Variants in SSX2IP observed in about 807,000 individuals in gnomAD.
SSX2IP encodes afadin- and alpha-actinin-binding protein.
SSX2IP carries 55 observed loss-of-function variants against 84.9 expected under a neutral mutation model. The observed-to-expected ratio is 0.65, with a 90% CI of 0.52 to 0.81. SSX2IP has a LOEUF of 0.81. SSX2IP is among the 30% of genes least tolerant of loss of function. SSX2IP has a pLI of 0.00. For synonymous variants in SSX2IP, 239 were observed against 234.7 expected, an observed-to-expected ratio of 1.02 and a Z score of -0.17; for missense variants, 664 against 705.2, an observed-to-expected ratio of 0.94 and a Z score of 0.66.
chr1:84,651,037 T>C (rs1310278675), intron 12 of SSX2IP, among the ~76,000 whole-genome samples: 1 of 152,072 alleles, frequency 6.6e-6, no homozygotes, highest in Non-Finnish European at 1.5e-5. Context: ...ATTTCTAGGC[T>C]GGGTGGGGTG....
At chr1:84,661,186 T>C (rs1262457903) in intron 8 of SSX2IP, among the ~76,000 whole-genome samples, 2 of 151,558 alleles carry the variant, frequency 1.3e-5, no homozygotes, top group Non-Finnish European at 2.9e-5. Flanking sequence ...ACAAAATAAA[T>C]AATCCTCAAA....
chr1:84,689,765 A>C (rs946083448), intron 1 of SSX2IP, among the ~76,000 whole-genome samples: 1 of 152,180 alleles, frequency 6.6e-6, no homozygotes, highest in African/African-American at 2.4e-5. Flanking sequence ...TTCTAAACCA[A>C]AGTATTTTCA....
intron 8 of SSX2IP, among the ~76,000 whole-genome samples, chr1:84,660,382 G>T (rs6702974): frequency 6.6e-6 from 1 of 152,064 alleles, no homozygotes; most frequent in African/African-American, 2.4e-5. Context: ...ATGATGAGAC[G>T]TTAAGGTTGG....
chr1:84,686,345 G>A (rs1415020271), intron 1 of SSX2IP, among the ~76,000 whole-genome samples: 1 of 152,142 alleles, frequency 6.6e-6, no homozygotes, highest in Non-Finnish European at 1.5e-5. Flanking sequence ...AATAATTCAG[G>A]ACATGGTGAC....
intron 13 of SSX2IP, among the ~76,000 whole-genome samples, chr1:84,648,569 A>T (rs910149192): frequency 1.3e-5 from 2 of 152,332 alleles, no homozygotes; most frequent in Non-Finnish European, 2.9e-5. Flanking sequence ...TTTATGTCAA[A>T]TATTTCACAA....
intron 1 of SSX2IP, among the ~76,000 whole-genome samples, chr1:84,678,247 C>T (rs1007695203): frequency 6.6e-6 from 1 of 152,180 alleles, no homozygotes; most frequent in East Asian, 1.9e-4. Context: ...ATGTCTGCAT[C>T]TTTGCAGCCA....
At chr1:84,676,349 T>C (rs905588627) in intron 1 of SSX2IP, among the ~76,000 whole-genome samples, 25 of 152,322 alleles carry the variant, frequency 1.6e-4, no homozygotes, top group Middle Eastern at 6.8e-3. Flanking sequence ...TAGATTCCAA[T>C]CAATGTCTTT....
rs762649625 is a variant in SSX2IP, at chr1:84,664,482, C to A, written c.608G>T (p.Arg203Leu). 2 of 1,602,610 alleles carry A rather than the reference C, an allele frequency of 1.2e-6. No homozygotes were observed. Among genetic ancestry groups the A allele is most frequent in the South Asian group, 1.1e-5 (1 of 89,044 alleles). Reference sequence around the variant, plus strand: ...ACGTTCCTTCAGTTTATTATATTCACGCTCTTTTCTCTTCATATCATGATT... The same window carrying A: ...ACGTTCCTTCAGTTTATTATATTCAAGCTCTTTTCTCTTCATATCATGATT... ...QYNHDMKRKE[R>L]EYNKLKERLH... Residue 203 changes from arginine to leucine, a missense_variant, in exon 6 of 14, where the codon CGT becomes CTT. By Grantham distance (102) the Arg-to-Leu change is moderately radical. Transcript: ENST00000342203.
chr1:84,687,498 T>C (rs887882129), intron 1 of SSX2IP, among the ~76,000 whole-genome samples: 1 of 152,176 alleles, frequency 6.6e-6, no homozygotes, highest in African/African-American at 2.4e-5. Context: ...TGGGGAAGTA[T>C]CTTATTTAAT....
At chr1:84,686,283 G>C (rs575319447) in intron 1 of SSX2IP, among the ~76,000 whole-genome samples, 118 of 152,258 alleles carry the variant, frequency 7.7e-4, no homozygotes, top group African/African-American at 2.8e-3. Context: ...AATGGTCAGG[G>C]ACCAGCTGGC....
intron 13 of SSX2IP, 59 bp downstream of exon 13, chr1:84,650,303 A>T: frequency 6.4e-7 from 1 of 1,551,370 alleles, no homozygotes; most frequent in Admixed American, 1.7e-5. Context: ...CCTTTCCCTT[A>T]GCAGTGCAAC....
Position 84,645,497 on chromosome 1 carries a change from C to A in SSX2IP, c.*1936G>T, listed in dbSNP as rs1390539177. ...AACTCAACTCACTTTAAAATGGAAA[C>A]ACGCAACAAAAAACAGATGCTGCTT... is the stretch of plus-strand genomic sequence containing the variant. On this transcript the variant is annotated 3_prime_UTR_variant, in exon 14 of 14. Transcript: ENST00000342203. The A allele has an allele frequency of 1.3e-5, 2 of 152,102 alleles. No individual in the cohort carries two copies. The highest frequency in any genetic ancestry group is 2.9e-5 in the Non-Finnish European group (2 of 68,008). The allele number at this position is 152,102 out of a possible 1,614,324, so 9.4% of individuals were successfully genotyped here. A position where few individuals can be genotyped will look rare whatever the true frequency, so the allele number is the denominator to read the frequency against.
rs773119988 is a variant in SSX2IP, at chr1:84,655,914, C to T, written c.1307G>A (p.Trp436Ter). 4 of 1,613,960 alleles carry T rather than the reference C, an allele frequency of 2.5e-6. No individual in the cohort carries two copies. Among genetic ancestry groups the T allele is most frequent in the Non-Finnish European group, 3.4e-6 (4 of 1,179,936 alleles). ...CTTTTTCTGCTCTTTAAAAAGGGAC[C>T]ATTCTTCTTTGAGACGTTCCTTTTC... ...LEEKERLKEEWSLFKEQKKNF... is the reference protein window; with the variant it reads ...LEEKERLKEE The change falls in exon 11 of 14, where the codon TGG (tryptophan) becomes TAG (stop). Residue 436 changes from tryptophan (W) to a stop codon, truncating the protein, a stop_gained. Coordinates refer to ENST00000342203, the MANE Select transcript of SSX2IP (RefSeq NM_001166293.2). LOFTEE classifies it high-confidence loss of function.
chr1:84,676,680 C>CAGG (rs59288099), intron 1 of SSX2IP, among the ~76,000 whole-genome samples: 30,017 of 147,468 alleles, frequency 0.2, 3,315 homozygotes, highest in African/African-American at 0.28. Flanking sequence ...GTTGTGAAGC[C>CAGG]AGGAAACAAA....
intron 11 of SSX2IP, 43 bp downstream of exon 11, chr1:84,655,789 C>G: frequency 6.3e-7 from 1 of 1,589,548 alleles, no homozygotes; most frequent in Non-Finnish European, 8.6e-7. Context: ...TGAGGCCCAC[C>G]CACCCCCAGT....
Position 84,651,975 on chromosome 1 carries a change from C to T in SSX2IP, c.1412G>A (p.Arg471Lys), listed in dbSNP as rs760633199. 1.9e-6 allele frequency: 3 copies of T among 1,613,632 alleles called. No individual in the cohort carries two copies. Among genetic ancestry groups the T allele is most frequent in the Non-Finnish European group, 2.5e-6 (3 of 1,179,676 alleles). Residue 471 changes from arginine (R) to lysine (K), a missense_variant, in exon 12 of 14, where the codon AGA becomes AAA. Transcript: ENST00000342203. The part of the protein sequence containing the change: ...GLERKAFEEE[R>K]ASWLKQQFLN... ...AAACTGCTGCTTTAACCAACTGGCTCTTTCTTCTTCAAATGCCTTTCTCTA... is the reference window on the plus strand; with the variant it reads ...AAACTGCTGCTTTAACCAACTGGCTTTTTCTTCTTCAAATGCCTTTCTCTA...
At position 84,671,251 on chromosome 1, in the gene SSX2IP, C is replaced by A. The variant is rs758870693; in HGVS notation, c.-32G>T. ...CTCTAGAGCCAGGATACCTGAGGAA[C>A]TAGTTCAGCAGTTAAACATTTAGTC... On this transcript the variant is annotated 5_prime_UTR_variant, in exon 2 of 14. Coordinates refer to ENST00000342203, the MANE Select transcript of SSX2IP (RefSeq NM_001166293.2). 6.2e-7 allele frequency: 1 copy of A among 1,606,624 alleles called. No individual in the cohort carries two copies. The highest frequency in any genetic ancestry group is 8.5e-7 in the Non-Finnish European group (1 of 1,176,342).
At chr1:84,682,629 C>T (rs1188782283) in intron 1 of SSX2IP, among the ~76,000 whole-genome samples, 2 of 151,738 alleles carry the variant, frequency 1.3e-5, no homozygotes, top group Admixed American at 6.6e-5. Flanking sequence ...CTTGACCTCC[C>T]GAGTAGCTGG....
At chr1:84,686,756 C>T (rs1655855189) in intron 1 of SSX2IP, among the ~76,000 whole-genome samples, 1 of 152,142 alleles carries the variant, frequency 6.6e-6, no homozygotes, top group African/African-American at 2.4e-5. Flanking sequence ...GGGTGATACA[C>T]AGCAGCAAAT....
Sources: gnomAD v4.1 joint callset for allele counts (sites outside exome capture counted in the v4.1 genomes callset) on GRCh38, gnomAD v4.1.1 for gene constraint, MANE v1.5 for transcripts, NCBI Gene and HGNC (gene_info 2026-07-23, HGNC 2026-07-21) for gene names.